FGD3: variants seen among roughly 807,000 people sequenced by gnomAD.
FGD3 encodes FYVE, RhoGEF and PH domain containing 3, also known as FYVE, RhoGEF and PH domain-containing protein 3.
FGD3 carries 45 observed loss-of-function variants against 71.8 expected under a neutral mutation model. The ratio of observed to expected loss-of-function variants is 0.63; its 90% CI spans 0.49 to 0.80. The LOEUF (loss-of-function observed/expected upper bound fraction) is 0.80. FGD3 is among the 30% of genes least tolerant of loss of function. The pLI is 0.00. For missense variants in FGD3, 844 were observed against 951.5 expected, an observed-to-expected ratio of 0.89 and a Z score of 1.49; for synonymous variants, 378 against 392.8, an observed-to-expected ratio of 0.96 and a Z score of 0.44.
At chr9:92,995,722 A>T (rs1457745125) in intron 3 of FGD3, among the ~76,000 whole-genome samples, 2 of 152,288 alleles carry the variant, frequency 1.3e-5, no homozygotes, top group South Asian at 4.1e-4. Context: ...TTCTGCATCT[A>T]TTGAGATAAT....
At chr9:93,028,339 GAAAAA>G (rs58386783) in intron 14 of FGD3, among the ~76,000 whole-genome samples, 1 of 139,140 alleles carries the variant, frequency 7.2e-6, no homozygotes, top group East Asian at 2.1e-4. Flanking sequence ...TTTTAAACAG[GAAAAA>G]AAAAAAAAAA....
chr9:93,029,112 AC>A lies in FGD3; in HGVS notation c.1558-760del, dbSNP rs564613223. Among the ~76,000 whole-genome samples, 261 of 134,820 alleles carry A rather than the reference AC, an allele frequency of 1.9e-3. 2 individuals carry two copies. The highest frequency in any genetic ancestry group is 7.0e-3 in the African/African-American group (247 of 35,458). The allele number at this position is 134,820 out of a possible 152,430, so 88.4% of individuals were successfully genotyped here. A position where few individuals can be genotyped will look rare whatever the true frequency, so the allele number is the denominator to read the frequency against. ...TCAGTTCACTGCATCACTGCAACCA[AC>A]CTCCGCCTCCTGGGTTGAAGCAATT... On this transcript the variant is annotated intron_variant, in intron 14 of 17. Transcript: ENST00000375482.
intron 1 of FGD3, among the ~76,000 whole-genome samples, chr9:92,960,511 G>A (rs1467988525): frequency 6.6e-6 from 1 of 152,136 alleles, no homozygotes; most frequent in Non-Finnish European, 1.5e-5. Flanking sequence ...CTGAAAAAAT[G>A]CACCCCAGGT....
At chr9:92,982,861 G>C (rs28864474) in intron 3 of FGD3, among the ~76,000 whole-genome samples, 2,311 of 152,170 alleles carry the variant, frequency 0.015, 67 homozygotes, top group African/African-American at 0.052. Context: ...TGAGGCAAAT[G>C]GATCACCTGA....
At position 93,013,883 on chromosome 9, in the gene FGD3, A is replaced by T. The variant is rs1861545267; in HGVS notation, c.1067A>T (p.Glu356Val). 1 of 1,612,698 alleles carries T rather than the reference A, an allele frequency of 6.2e-7. No homozygotes were observed. Among genetic ancestry groups the T allele is most frequent in the Non-Finnish European group, 8.5e-7 (1 of 1,179,514 alleles). ...EKMHKLLEVY[E>V]QLGGEEDIVN... ...ATGCACAAGCTCTTGGAGGTGTACG[A>T]GCAGCTGGGTGGGGAAGAAGACATT... Residue 356 changes from glutamate to valine, a missense_variant, in exon 9 of 18, where the codon GAG becomes GTG. Physicochemically the swap from Glu to Val is moderately radical, Grantham distance 121 (BLOSUM62 -2). Transcript: ENST00000375482.
At chr9:93,010,500 C>G (rs1861277805) in intron 7 of FGD3, 116 bp downstream of exon 7, 11 of 1,114,642 alleles carry the variant, frequency 9.9e-6, no homozygotes, top group African/African-American at 1.7e-5. Context: ...GAGAGAGAAA[C>G]AGAGAGACCA....
chr9:92,957,847 A>AATTTTTGT (rs1408944576), intron 1 of FGD3, among the ~76,000 whole-genome samples: 2 of 150,954 alleles, frequency 1.3e-5, no homozygotes, highest in Non-Finnish European at 3.0e-5. Context: ...ATGCCCAGCT[A>AATTTTTGT]ATTTTTGTAT....
In FGD3 at chr9:93,036,076, C is replaced by A. The variant is rs536133358; in HGVS notation, c.*487C>A. 102 of 156,626 alleles carry A rather than the reference C, an allele frequency of 6.5e-4. No homozygotes were observed. Among genetic ancestry groups the A allele is most frequent in the Non-Finnish European group, 1.3e-3 (89 of 71,048 alleles). The allele number at this position is 156,626 out of a possible 1,614,324, so 9.7% of individuals were successfully genotyped here. ...GCAGCCCCCAGGAGGTGGGCCTGCC[C>A]CATCCTAGCTGGACTCATGGTTCCT... is the stretch of plus-strand genomic sequence containing the variant. On this transcript the variant is annotated 3_prime_UTR_variant, in exon 18 of 18. Transcript: ENST00000375482.
intron 3 of FGD3, among the ~76,000 whole-genome samples, chr9:92,983,516 CTCCATCT>C (rs1860075520): frequency 1.3e-5 from 2 of 152,240 alleles, no homozygotes; most frequent in African/African-American, 4.8e-5. Context: ...CAGAGCGAGA[CTCCATCT>C]CAAAAAAACC....
At chr9:92,998,755 C>G (rs1860743572) in intron 3 of FGD3, among the ~76,000 whole-genome samples, 1 of 152,158 alleles carries the variant, frequency 6.6e-6, no homozygotes, top group African/African-American at 2.4e-5. Context: ...CCCTGTTTGC[C>G]TGGGTATCAC....
chr9:92,961,526 G>A (rs1859167251), intron 1 of FGD3, among the ~76,000 whole-genome samples: 1 of 152,222 alleles, frequency 6.6e-6, no homozygotes, highest in Non-Finnish European at 1.5e-5. Context: ...TCCACTGTGG[G>A]CTGATCCCAC....
Position 93,010,272 on chromosome 9 carries a change from G to C in FGD3, c.864G>C (p.Thr288=). The C allele has an allele frequency of 6.2e-7, 1 of 1,611,932 alleles. No homozygotes were observed. Among genetic ancestry groups the C allele is most frequent in the Non-Finnish European group, 8.5e-7 (1 of 1,178,252 alleles). The change falls in exon 7 of 18, where the codon ACG becomes ACC. Residue 288 remains threonine, a synonymous_variant. Transcript: ENST00000375482. ...AGCAGGAGGTATGCGGGAACCTGAC[G>C]CTGCAGCACCACATGCTGGAGCCCG... ...IQKQEVCGNL[T]LQHHMLEPVQ... is the part of the protein sequence containing the mutation.
chr9:92,999,209 G>A (rs574203410), intron 3 of FGD3, among the ~76,000 whole-genome samples: 2 of 152,342 alleles, frequency 1.3e-5, no homozygotes, highest in East Asian at 1.9e-4. Flanking sequence ...CTGCCTTGCA[G>A]TTCAATCTCA....
rs71496423 is a variant in FGD3 at position 92,976,675 on chromosome 9, C to G, written c.419C>G (p.Pro140Arg). 1 of 1,604,070 alleles carries G rather than the reference C, an allele frequency of 6.2e-7. No homozygotes were observed. The highest frequency in any genetic ancestry group is 8.5e-7 in the Non-Finnish European group (1 of 1,174,890). The change falls in exon 3 of 18, where the codon CCC (proline) becomes CGC (arginine). Residue 140 changes from proline to arginine, a missense_variant. Physicochemically the swap from Pro to Arg is moderately radical, Grantham distance 103. Coordinates refer to ENST00000375482, the MANE Select transcript of FGD3 (RefSeq NM_001083536.2). ...VGEEPDSENT[P>R]QKADKDAGLA... is the part of the protein sequence containing the mutation. ...GAGGAACCTGACTCTGAGAACACCCCCCAGAAGGCTGACAAGGATGCCGGC... is the reference window on the plus strand; with the variant it reads ...GAGGAACCTGACTCTGAGAACACCCGCCAGAAGGCTGACAAGGATGCCGGC...
At chr9:93,011,079 A>C (rs1861342717) in intron 7 of FGD3, 135 bp from the exon 8 acceptor site, 13 of 875,862 alleles carry the variant, frequency 1.5e-5, no homozygotes, top group South Asian at 2.8e-5. Flanking sequence ...AGTCCTCTAG[A>C]GTAGCCCAGG....
chr9:93,022,379 G>T lies in FGD3; in HGVS notation c.1547G>T (p.Gly516Val). Reference protein sequence around the residue: ...EPVVTTEGSSGAAGLEPRKLS... With the variant: ...EPVVTTEGSSVAAGLEPRKLS... Reference sequence around the variant, plus strand: ...GTGGTGACCACCGAAGGCAGTTCGGGTGCAGCAGGGGTAAGTGCCCCATGC... The same window carrying T: ...GTGGTGACCACCGAAGGCAGTTCGGTTGCAGCAGGGGTAAGTGCCCCATGC... The change falls in exon 14 of 18, where the codon GGT becomes GTT. Residue 516 changes from glycine to valine, a missense_variant. Physicochemically the swap from Gly to Val is moderately radical, Grantham distance 109 (BLOSUM62 -3). Transcript: ENST00000375482. 6.2e-7 allele frequency: 1 copy of T among 1,612,602 alleles called. No homozygotes were observed. Among genetic ancestry groups the T allele is most frequent in the Non-Finnish European group, 8.5e-7 (1 of 1,179,416 alleles).
intron 3 of FGD3, among the ~76,000 whole-genome samples, chr9:92,981,957 T>G (rs900970629): frequency 6.6e-6 from 1 of 152,206 alleles, no homozygotes. Context: ...TAGCCATCAT[T>G]TGAAACATTT....
chr9:92,961,950 C>T (rs1272859456), intron 1 of FGD3, among the ~76,000 whole-genome samples: 1 of 152,232 alleles, frequency 6.6e-6, no homozygotes, highest in Non-Finnish European at 1.5e-5. Context: ...TTCATCATTT[C>T]TGTAATGTCC....
intron 12 of FGD3, 71 bp downstream of exon 12, chr9:93,019,932 C>G: frequency 1.3e-6 from 2 of 1,563,512 alleles, no homozygotes; most frequent in Non-Finnish European, 1.8e-6. Flanking sequence ...CATGTTGGTT[C>G]AGAGGGTGGG....
Sources: gnomAD v4.1 joint callset for allele counts (sites outside exome capture counted in the v4.1 genomes callset) on GRCh38, gnomAD v4.1.1 for gene constraint, MANE v1.5 for transcripts, NCBI Gene and HGNC (gene_info 2026-07-23, HGNC 2026-07-21) for gene names.